The following LDLRAD4 variants were observed in gnomAD, a reference collection of about 807,000 sequenced individuals.
LDLRAD4 encodes the protein low-density lipoprotein receptor class A domain-containing protein 4.
In LDLRAD4, 5 loss-of-function variants were observed where a neutral mutation model predicts 17.0. The ratio of observed to expected loss-of-function variants is 0.29; its 90% CI spans 0.15 to 0.62. The LOEUF (loss-of-function observed/expected upper bound fraction) is 0.62. Among genes scored for constraint, LDLRAD4 ranks in the 20% least tolerant of loss-of-function variants. LDLRAD4 has a pLI of 0.84. For synonymous variants in LDLRAD4, 168 were observed against 171.8 expected (o/e 0.98, Z 0.17); for missense variants, 340 against 424.7 (o/e 0.80, Z 1.75).
chr18:13,399,462 C>T (rs1338095429), intron 2 of LDLRAD4, among the ~76,000 whole-genome samples: 1 of 152,198 alleles, frequency 6.6e-6, no homozygotes, highest in Non-Finnish European at 1.5e-5. Flanking sequence ...GCACTTGCAA[C>T]GAAGCCAGAC....
chr18:13,267,252 A>G (rs1473934840), intron 1 of LDLRAD4, among the ~76,000 whole-genome samples: 1 of 152,216 alleles, frequency 6.6e-6, no homozygotes, highest in Non-Finnish European at 1.5e-5. Context: ...AAAATTATCA[A>G]AGTAATGTTT....
intron 2 of LDLRAD4, chr18:13,419,428 A>G (rs1267259691): frequency 2.6e-5 from 4 of 152,014 alleles, no homozygotes; most frequent in African/African-American, 4.8e-5. Context: ...TTTAGAGACA[A>G]TCTTGCTCCT....
intron 1 of LDLRAD4, among the ~76,000 whole-genome samples, chr18:13,316,046 GGA>G (rs1306293420): frequency 6.6e-6 from 1 of 152,134 alleles, no homozygotes; most frequent in Non-Finnish European, 1.5e-5. Flanking sequence ...GACGGTGAGA[GGA>G]GAGAGATGGG....
rs559855698 is a variant in LDLRAD4, at chr18:13,594,314, G to T, written c.182-26803G>T. ...TGCCACTGTAGGGATTCCACTGTGG[G>T]TTCAACTTGTTCTTATGTCAGGCAA... On this transcript the variant is annotated intron_variant, in intron 3 of 5. Transcript: ENST00000359446. 1.7e-3 allele frequency among the ~76,000 whole-genome samples: 253 copies of T among 152,248 alleles called. 1 individual carries two copies. The highest frequency in any genetic ancestry group is 6.0e-3 in the African/African-American group (248 of 41,534).
In LDLRAD4 at chr18:13,610,305, T is replaced by TTTTTTTTTTTTTTTTTTTC. The variant is rs1491536129; in HGVS notation, c.182-10812_182-10811insTTTTTTTTTTTTTTTTTTC. Among the ~76,000 whole-genome samples, 64 of 24,364 alleles carry TTTTTTTTTTTTTTTTTTTC rather than the reference T, an allele frequency of 2.6e-3. 20 individuals are homozygous for TTTTTTTTTTTTTTTTTTTC. The highest frequency in any genetic ancestry group is 3.7e-3 in the Non-Finnish European group (43 of 11,546). 16.0% of individuals were successfully genotyped at this position (24,364 alleles called of 152,430 possible). A position where few individuals can be genotyped will look rare whatever the true frequency, so the allele number is the denominator to read the frequency against. ...TTTTTTTTTTTTTTTTTTTTTTTTTTGAGACGGAGTCTCACTCTGTCGCCC... is the reference window on the plus strand; with the variant it reads ...TTTTTTTTTTTTTTTTTTTTTTTTTTTTTTTTTTTTTTTTTTTTCGAGACGGAGTCTCACTCTGTCGCCC... On this transcript the variant is annotated intron_variant, in intron 3 of 5. Coordinates refer to ENST00000359446, the Ensembl canonical transcript of LDLRAD4.
chr18:13,356,859 C>T (rs1025271752), intron 1 of LDLRAD4, among the ~76,000 whole-genome samples: 15 of 152,166 alleles, frequency 9.9e-5, no homozygotes, highest in Non-Finnish European at 1.8e-4. Flanking sequence ...TTAGGTCAGG[C>T]GCATTGGCTC....
chr18:13,386,526 C>T (rs1023090073), intron 1 of LDLRAD4, among the ~76,000 whole-genome samples: 3 of 152,054 alleles, frequency 2.0e-5, no homozygotes, highest in Non-Finnish European at 2.9e-5. Flanking sequence ...CACCACCACA[C>T]TTGGCTAATT....
At chr18:13,492,823 T>C (rs1280850427) in intron 3 of LDLRAD4, among the ~76,000 whole-genome samples, 1 of 152,124 alleles carries the variant, frequency 6.6e-6, no homozygotes. Flanking sequence ...CCCTTGAAAA[T>C]GAGTGTGGCA....
At chr18:13,373,713 G>T (rs944100135) in intron 1 of LDLRAD4, among the ~76,000 whole-genome samples, 1 of 152,174 alleles carries the variant, frequency 6.6e-6, no homozygotes, top group Non-Finnish European at 1.5e-5. Flanking sequence ...CTTTTGAATA[G>T]TACCTGGCAG....
intron 1 of LDLRAD4, among the ~76,000 whole-genome samples, chr18:13,257,402 A>T (rs1381110101): frequency 6.6e-6 from 1 of 152,142 alleles, no homozygotes; most frequent in Non-Finnish European, 1.5e-5. Flanking sequence ...TGTAATGATG[A>T]TGTTTGTGAG....
rs148432246 is a variant in LDLRAD4, at chr18:13,616,821, G to A, written c.182-4296G>A. On this transcript the variant is annotated intron_variant, in intron 3 of 5. Transcript: ENST00000359446. ...GGCACCCCACGGGGCCACTCGATTC[G>A]GTTTGCAGGCTCCTGAGGACAGTGT... Among the ~76,000 whole-genome samples the A allele has an allele frequency of 3.4e-3, 515 of 152,314 alleles. 5 individuals are homozygous for A. In the South Asian group the frequency reaches 0.034, roughly 10 times the overall value.
chr18:13,549,003 G>T (rs1394463307), intron 3 of LDLRAD4, among the ~76,000 whole-genome samples: 2 of 152,190 alleles, frequency 1.3e-5, no homozygotes, highest in Admixed American at 6.5e-5. Context: ...TGAATATTCA[G>T]CTCCCCAAAA....
chr18:13,515,693 CA>C (rs1412040546), intron 3 of LDLRAD4: 7 of 152,186 alleles, frequency 4.6e-5, no homozygotes, highest in African/African-American at 1.4e-4. Flanking sequence ...GACAATGACA[CA>C]AGATTTGGAG....
intron 1 of LDLRAD4, among the ~76,000 whole-genome samples, chr18:13,310,206 C>T (rs1869496): frequency 0.37 from 54,446 of 147,454 alleles, 10,610 homozygotes; most frequent in African/African-American, 0.5. Context: ...AAAAATTAGC[C>T]GGGTGTGGTG....
chr18:13,599,486 ATTTTT>A (rs35131642), intron 3 of LDLRAD4, among the ~76,000 whole-genome samples: 1 of 81,754 alleles, frequency 1.2e-5, no homozygotes, highest in Non-Finnish European at 2.4e-5. Context: ...TGAGTCTCCA[ATTTTT>A]TTTTTTTTTT....
At chr18:13,454,168 A>T (rs1001151259) in intron 3 of LDLRAD4, among the ~76,000 whole-genome samples, 17 of 152,238 alleles carry the variant, frequency 1.1e-4, no homozygotes, top group African/African-American at 4.1e-4. Context: ...TTAGATGCGC[A>T]AGCAGACTCA....
intron 3 of LDLRAD4, among the ~76,000 whole-genome samples, chr18:13,466,697 C>T (rs1434558397): frequency 5.3e-5 from 8 of 152,132 alleles, no homozygotes; most frequent in African/African-American, 9.7e-5. Flanking sequence ...ATACCATATA[C>T]GAGGTGGCCT....
chr18:13,319,004 C>CCA (rs1215740546), intron 1 of LDLRAD4, among the ~76,000 whole-genome samples: 6 of 152,318 alleles, frequency 3.9e-5, no homozygotes, highest in South Asian at 4.1e-4. Flanking sequence ...GCTCAGCACT[C>CCA]ACAGTAACTG....
chr18:13,633,028 A>G (rs1410881296), intron 4 of LDLRAD4, among the ~76,000 whole-genome samples: 1 of 152,208 alleles, frequency 6.6e-6, no homozygotes, highest in Non-Finnish European at 1.5e-5. Flanking sequence ...GAGGAGACCC[A>G]TAGAGGGTAG....
Sources: allele counts gnomAD v4.1 joint callset (sites outside exome capture counted in the v4.1 genomes callset), GRCh38; gene constraint gnomAD v4.1.1; transcripts MANE v1.5; gene names NCBI Gene and HGNC (gene_info 2026-07-23, HGNC 2026-07-21).